Variants in SETD2 observed in about 807,000 individuals in gnomAD.
The protein encoded by SETD2 is histone-lysine N-methyltransferase SETD2.
SETD2 carries 31 observed loss-of-function variants against 242.1 expected under a neutral mutation model. That is an observed-to-expected ratio of 0.13 (90% confidence interval 0.10 to 0.17). The LOEUF (loss-of-function observed/expected upper bound fraction) is 0.17, where lower values mean the gene tolerates loss of function less well. Among genes scored for constraint, SETD2 ranks in the 10% least tolerant of loss-of-function variants. SETD2 has a pLI of 1.00. For synonymous variants in SETD2, 1,006 were observed against 1,066.5 expected (o/e 0.94, Z 1.11); for missense variants, 2,481 against 3,046.3 (o/e 0.81, Z 4.37).
At chr3:47,030,341 A>C (rs1490607121) in intron 18 of SETD2, among the ~76,000 whole-genome samples, 1 of 152,188 alleles carries the variant, frequency 6.6e-6, no homozygotes, top group Non-Finnish European at 1.5e-5. Flanking sequence ...AGCAGAAGGT[A>C]AATCAGTGAA....
intron 9 of SETD2, among the ~76,000 whole-genome samples, chr3:47,090,377 G>T (rs551874144): frequency 6.6e-6 from 1 of 151,936 alleles, no homozygotes; most frequent in East Asian, 1.9e-4. Context: ...TGATCAAAAT[G>T]GATTATTATT....
At chr3:47,040,481 C>T (rs568259768) in intron 17 of SETD2, among the ~76,000 whole-genome samples, 210 of 151,930 alleles carry the variant, frequency 1.4e-3, no homozygotes, top group Non-Finnish European at 1.8e-3. Context: ...ATGAAGACAT[C>T]CCATCTCAAT....
At chr3:47,057,580 A>C (rs1217713153) in intron 14 of SETD2, 90 bp from the exon 15 acceptor site, 2 of 897,104 alleles carry the variant, frequency 2.2e-6, no homozygotes, top group African/African-American at 3.3e-5. Flanking sequence ...TCATGACTAA[A>C]CCACTAACCA....
At chr3:47,150,028 C>CTTTTTTTTTTTTTT (rs71098457) in intron 1 of SETD2, among the ~76,000 whole-genome samples, 5 of 92,428 alleles carry the variant, frequency 5.4e-5, no homozygotes, top group Admixed American at 1.6e-4. Context: ...TCCAAAAATA[C>CTTTTTTTTTTTTTT]TTTTTTTTTT....
intron 15 of SETD2, among the ~76,000 whole-genome samples, chr3:47,055,200 G>A (rs1269335343): frequency 6.6e-6 from 1 of 152,148 alleles, no homozygotes; most frequent in Non-Finnish European, 1.5e-5. Flanking sequence ...CCTTGTCATG[G>A]CCATTTTAAC....
intron 1 of SETD2, among the ~76,000 whole-genome samples, chr3:47,128,753 G>A (rs2043408340): frequency 6.6e-6 from 1 of 152,170 alleles, no homozygotes; most frequent in Admixed American, 6.5e-5. Flanking sequence ...CAGGATGCAT[G>A]CTATCAATGG....
chr3:47,037,670 A>G lies in SETD2; in HGVS notation c.7346T>C (p.Met2449Thr), dbSNP rs559045162. 6.8e-6 allele frequency: 11 copies of G among 1,611,404 alleles called. No homozygotes were observed. In the Middle Eastern group the frequency reaches 9.9e-4, roughly 145 times the overall value. Residue 2449 changes from methionine (M) to threonine (T), a missense_variant, in exon 18 of 21, where the codon ATG (methionine) becomes ACG (threonine). By Grantham distance (81) the Met-to-Thr change is moderately conservative (BLOSUM62 -1). Coordinates refer to ENST00000409792, the MANE Select transcript of SETD2 (RefSeq NM_014159.7). ...ACATGTGTAAGCCACACTCACCTTC[A>G]TGGGGTTTTCATCATATGTTGGAGT... is the stretch of plus-strand genomic sequence containing the variant. ...LGTPTYDENP[M>T]KASKKPKTAE...
chr3:47,163,976 G>T lies in SETD2; in HGVS notation c.-52C>A. 7.9e-7 allele frequency: 1 copy of T among 1,258,680 alleles called. No homozygotes were observed. 78.0% of individuals were successfully genotyped at this position (1,258,680 alleles called of 1,614,324 possible). On this transcript the variant is annotated 5_prime_UTR_variant, in exon 1 of 21. Coordinates refer to ENST00000409792, the MANE Select transcript of SETD2 (RefSeq NM_014159.7). Reference sequence around the variant, plus strand: ...AGCCCCCTCCCCGCAGCAGGGCGACGCGGGGGAGGGGAGGGGAGGAGGCCG... The same window carrying T: ...AGCCCCCTCCCCGCAGCAGGGCGACTCGGGGGAGGGGAGGGGAGGAGGCCG...
At chr3:47,151,694 G>A (rs1268315707) in intron 1 of SETD2, among the ~76,000 whole-genome samples, 2 of 151,914 alleles carry the variant, frequency 1.3e-5, no homozygotes, top group Non-Finnish European at 2.9e-5. Context: ...GGGCGTGGTG[G>A]TACGCGCCTG....
At chr3:47,124,632 G>C in intron 2 of SETD2, 84 bp from the exon 3 acceptor site, 1 of 1,162,558 alleles carries the variant, frequency 8.6e-7, no homozygotes, top group Non-Finnish European at 1.2e-6. Flanking sequence ...GTTTACTGGA[G>C]AAATGAAAAG....
chr3:47,138,950 T>C (rs2043658755), intron 1 of SETD2, among the ~76,000 whole-genome samples: 2 of 152,164 alleles, frequency 1.3e-5, no homozygotes, highest in African/African-American at 4.8e-5. Flanking sequence ...TTCAACGTCT[T>C]TCTTTCTTTT....
intron 1 of SETD2, among the ~76,000 whole-genome samples, chr3:47,147,409 G>T (rs945051445): frequency 2.0e-5 from 3 of 146,900 alleles, no homozygotes; most frequent in African/African-American, 7.6e-5. Flanking sequence ...TACAACCTCT[G>T]CCTCCTCGGT....
Position 47,098,046 on chromosome 3 carries a change from T to C in SETD2, c.5051A>G (p.Asn1684Ser), listed in dbSNP as rs928084094. The change falls in exon 9 of 21, where the codon AAT (asparagine) becomes AGT (serine). Residue 1684 changes from asparagine (N) to serine (S), a missense_variant. By Grantham distance (46) the Asn-to-Ser change is conservative. Around this residue, in one of 17 missense-constraint regions of SETD2, gnomAD observed 61 missense variants for 221.4 expected, o/e 0.28. Coordinates refer to ENST00000409792, the MANE Select transcript of SETD2 (RefSeq NM_014159.7). ...EAQKCFCGSANCRGYLGGENR... is the reference protein window; with the variant it reads ...EAQKCFCGSASCRGYLGGENR... ...TTCTCCTCCCAGGTAACCCCGGCAA[T>C]TGGCTGATCCGCAGAAACATTTCTG... is the stretch of plus-strand genomic sequence containing the variant. The C allele has an allele frequency of 1.2e-6, 2 of 1,614,096 alleles. No homozygotes were observed. Among genetic ancestry groups the C allele is most frequent in the Non-Finnish European group, 1.7e-6 (2 of 1,179,948 alleles).
At chr3:47,152,445 T>C (rs2044008030) in intron 1 of SETD2, among the ~76,000 whole-genome samples, 1 of 152,214 alleles carries the variant, frequency 6.6e-6, no homozygotes, top group South Asian at 2.1e-4. Context: ...TGGATTTCTA[T>C]AGAAAGAGTT....
chr3:47,081,068 T>A (rs1345044320), intron 12 of SETD2: 2 of 986,790 alleles, frequency 2.0e-6, no homozygotes, highest in Non-Finnish European at 1.2e-6. Context: ...AACAAGCTCC[T>A]TGCTGCCCTG....
rs2040129629 is a variant in SETD2 at position 47,057,406 on chromosome 3, C to T, written c.6378G>A (p.Glu2126=). The change falls in exon 15 of 21, where the codon GAG becomes GAA. Residue 2126 remains glutamate, a synonymous_variant. Transcript: ENST00000409792. ...LSTEERRKLF[E]QEVAQREAQK... ...GAGCCTCCCGTTGAGCCACCTCTTG[C>T]TCAAACAACTTCCGGCGTTCCTCTG... 3 of 1,614,196 alleles carry T rather than the reference C, an allele frequency of 1.9e-6. No individual in the cohort carries two copies. Among genetic ancestry groups the T allele is most frequent in the Non-Finnish European group, 8.5e-7 (1 of 1,180,018 alleles).
At chr3:47,036,031 C>T (rs1282300083) in intron 18 of SETD2, among the ~76,000 whole-genome samples, 1 of 152,024 alleles carries the variant, frequency 6.6e-6, no homozygotes, top group African/African-American at 2.4e-5. Flanking sequence ...TTTGCAAATG[C>T]CAAACACATG....
At chr3:47,051,345 T>C (rs1484714560) in intron 15 of SETD2, among the ~76,000 whole-genome samples, 1 of 152,134 alleles carries the variant, frequency 6.6e-6, no homozygotes, top group African/African-American at 2.4e-5. Flanking sequence ...GCTCAAGCGA[T>C]CCTCCCACCT....
chr3:47,054,529 T>C (rs1268320486), intron 15 of SETD2, among the ~76,000 whole-genome samples: 2 of 152,146 alleles, frequency 1.3e-5, no homozygotes, highest in African/African-American at 4.8e-5. Context: ...CAAGAAAGAA[T>C]ATGGCTCATA....
Sources: allele counts gnomAD v4.1 joint callset (sites outside exome capture counted in the v4.1 genomes callset), GRCh38; gene constraint gnomAD v4.1.1; regional missense constraint gnomAD v4.1.1; transcripts MANE v1.5; gene names NCBI Gene and HGNC (gene_info 2026-07-23, HGNC 2026-07-21).